Variants in NCOA2 observed in about 807,000 individuals in gnomAD.
The protein encoded by NCOA2 is nuclear receptor coactivator 2.
A neutral mutation model predicts 145.1 loss-of-function variants in NCOA2; 21 were observed. The ratio of observed to expected loss-of-function variants is 0.14; its 90% confidence interval spans 0.10 to 0.21. The LOEUF is 0.21. NCOA2 is among the 10% of genes least tolerant of loss of function. The pLI is 1.00. For synonymous variants in NCOA2, 619 were observed against 637.5 expected, an observed-to-expected ratio of 0.97 and a Z score of 0.44; for missense variants, 1,472 against 1,837.6, an observed-to-expected ratio of 0.80 and a Z score of 3.64.
rs73285376 is a variant in NCOA2 at position 70,121,944 on chromosome 8, A to T, written c.4294-553T>A. Among the ~76,000 whole-genome samples, 644 of 152,360 alleles carry T rather than the reference A, an allele frequency of 4.2e-3. 5 individuals are homozygous for T. Among genetic ancestry groups the T allele is most frequent in the African/African-American group, 0.015 (615 of 41,582 alleles). Reference sequence around the variant, plus strand: ...TAATAGAATAATGATTTTTGTAGGAAGACACACTGCAGTTGTGCCTTGGGG... The same window carrying T: ...TAATAGAATAATGATTTTTGTAGGATGACACACTGCAGTTGTGCCTTGGGG... On this transcript the variant is annotated intron_variant, in intron 21 of 22. Coordinates refer to ENST00000452400, the MANE Select transcript of NCOA2 (RefSeq NM_006540.4).
chr8:70,154,027 G>A (rs915996159), intron 11 of NCOA2, among the ~76,000 whole-genome samples: 2 of 152,186 alleles, frequency 1.3e-5, no homozygotes, highest in Non-Finnish European at 2.9e-5. Flanking sequence ...ATGGAGCCCA[G>A]CTAGAAGAGC....
rs1251540280 is a variant in NCOA2 at position 70,235,499 on chromosome 8, C to A, written c.-19-18735G>T. ...TAAAAACATCCAAGATAACCAGGTA[C>A]CACTCCAGACCCATCAGATCAGAAA... On this transcript the variant is annotated intron_variant, in intron 2 of 22. Coordinates refer to ENST00000452400, the MANE Select transcript of NCOA2 (RefSeq NM_006540.4). Among the ~76,000 whole-genome samples the A allele has an allele frequency of 2.0e-5, 3 of 152,082 alleles. No homozygotes were observed. The East Asian group carries it at 5.8e-4, about 29-fold the overall frequency.
At chr8:70,381,207 A>T (rs1255283121) in intron 1 of NCOA2, among the ~76,000 whole-genome samples, 3 of 152,144 alleles carry the variant, frequency 2.0e-5, no homozygotes, top group Non-Finnish European at 4.4e-5. Context: ...AAACTTTTCC[A>T]TAGTAATTTT....
the NCOA2 span, among the ~76,000 whole-genome samples, chr8:70,434,844 A>G: frequency 3.9e-5 from 6 of 152,092 alleles, no homozygotes; most frequent in African/African-American, 1.2e-4. Context: ...GTGCAATTTC[A>G]TCCACTCCCA....
intron 2 of NCOA2, among the ~76,000 whole-genome samples, chr8:70,264,211 G>C (rs1824375222): frequency 6.7e-6 from 1 of 148,546 alleles, no homozygotes; most frequent in African/African-American, 2.5e-5. Context: ...GTGAAACTCT[G>C]TCTCAAAAAA....
intron 16 of NCOA2, 41 bp downstream of exon 16, chr8:70,131,796 T>A (rs553791472): frequency 5.8e-6 from 9 of 1,556,026 alleles, no homozygotes; most frequent in Admixed American, 1.9e-5. Flanking sequence ...TCTGCGCCCA[T>A]GAGAGCGCTT....
intron 9 of NCOA2, among the ~76,000 whole-genome samples, chr8:70,161,641 T>C (rs1166974906): frequency 6.6e-6 from 1 of 152,226 alleles, no homozygotes; most frequent in Non-Finnish European, 1.5e-5. Flanking sequence ...AAGTGCCAGA[T>C]GCACATTAGG....
At chr8:70,216,793 A>C (rs1819664739) in intron 2 of NCOA2, 29 bp from the exon 3 acceptor site, 2 of 1,402,064 alleles carry the variant, frequency 1.4e-6, no homozygotes, top group African/African-American at 2.8e-5. Flanking sequence ...AAGAGGAAGA[A>C]AAAAATGAAG....
chr8:70,154,477 G>T (rs1461373787), intron 11 of NCOA2, among the ~76,000 whole-genome samples: 1 of 152,166 alleles, frequency 6.6e-6, no homozygotes, highest in East Asian at 1.9e-4. Context: ...CACTGGTGCA[G>T]TCATAGCTCA....
At chr8:70,371,531 G>A (rs1220892606) in intron 1 of NCOA2, among the ~76,000 whole-genome samples, 1 of 152,000 alleles carries the variant, frequency 6.6e-6, no homozygotes, top group Non-Finnish European at 1.5e-5. Flanking sequence ...TGGAAAAAAA[G>A]GACAAGCAAT....
intron 2 of NCOA2, among the ~76,000 whole-genome samples, chr8:70,279,101 C>T (rs910230873): frequency 2.6e-5 from 4 of 152,148 alleles, no homozygotes; most frequent in African/African-American, 9.7e-5. Context: ...TACCAATCTC[C>T]ATAATCCTGA....
chr8:70,297,898 C>T (rs1234097388), intron 1 of NCOA2, among the ~76,000 whole-genome samples: 3 of 152,110 alleles, frequency 2.0e-5, no homozygotes, highest in Non-Finnish European at 2.9e-5. Flanking sequence ...TATGTGCTTA[C>T]GGCATTTTAT....
chr8:70,236,016 A>G (rs143252436), intron 2 of NCOA2, among the ~76,000 whole-genome samples: 24 of 152,288 alleles, frequency 1.6e-4, no homozygotes, highest in African/African-American at 5.3e-4. Context: ...GCCGCCTGCT[A>G]AGTGACTACT....
At chr8:70,360,055 C>T (rs1247412939) in intron 1 of NCOA2, among the ~76,000 whole-genome samples, 1 of 152,084 alleles carries the variant, frequency 6.6e-6, no homozygotes, top group East Asian at 1.9e-4. Flanking sequence ...TGAGGTTATC[C>T]CTACTCTGAA....
chr8:70,293,948 C>T (rs1341024591), intron 2 of NCOA2, among the ~76,000 whole-genome samples: 1 of 152,084 alleles, frequency 6.6e-6, no homozygotes, highest in East Asian at 1.9e-4. Context: ...ATAGATACAA[C>T]TCTTTTGGAA....
In NCOA2 at chr8:70,156,053, C is replaced by T. The variant is rs758236625; in HGVS notation, c.2312G>A (p.Ser771Asn). The change falls in exon 11 of 23, where the codon AGT becomes AAT. Residue 771 changes from serine to asparagine, a missense_variant. Transcript: ENST00000452400. ...EITPKLERLD[S>N]KTDPASNTKL... Reference sequence around the variant, plus strand: ...TGTGTTACTGGCAGGATCTGTCTTACTGTCCAGTCTCTCAAGTTTGGGGGT... The same window carrying T: ...TGTGTTACTGGCAGGATCTGTCTTATTGTCCAGTCTCTCAAGTTTGGGGGT... 1 of 1,613,458 alleles carries T rather than the reference C, an allele frequency of 6.2e-7. No homozygotes were observed. The highest frequency in any genetic ancestry group is 1.1e-5 in the South Asian group (1 of 91,022).
chr8:70,126,728 C>G (rs1197482009), intron 19 of NCOA2, 85 bp downstream of exon 19: 1 of 1,124,194 alleles, frequency 8.9e-7, no homozygotes, highest in African/African-American at 1.5e-5. Context: ...ATGCAAAGAG[C>G]TGTGAGAGAG....
In NCOA2 at chr8:70,112,034, A is replaced by G. The variant is rs1012616215; in HGVS notation, c.*1598T>C. ...TTTCCCCTACCAGAGTGGGCAAGAA[A>G]AACAACCATAAAAGTGGCCTGCTTA... is the stretch of plus-strand genomic sequence containing the variant. On this transcript the variant is annotated 3_prime_UTR_variant, in exon 23 of 23. Transcript: ENST00000452400. The G allele has an allele frequency of 9.4e-6, 2 of 212,946 alleles. No homozygotes were observed. The highest frequency in any genetic ancestry group is 1.9e-5 in the Non-Finnish European group (2 of 105,050). 13.2% of individuals were successfully genotyped at this position (212,946 alleles called of 1,614,324 possible).
intron 2 of NCOA2, among the ~76,000 whole-genome samples, chr8:70,236,764 A>C (rs1359227826): frequency 6.6e-6 from 1 of 152,240 alleles, no homozygotes; most frequent in East Asian, 1.9e-4. Context: ...AGGTATTGTA[A>C]GTAATCTAGA....
Sources: gnomAD v4.1 joint callset for allele counts (sites outside exome capture counted in the v4.1 genomes callset) on GRCh38, gnomAD v4.1.1 for gene constraint, MANE v1.5 for transcripts, NCBI Gene and HGNC (gene_info 2026-07-23, HGNC 2026-07-21) for gene names.